DNMT3A: variants seen among roughly 807,000 people sequenced by gnomAD.
DNMT3A encodes DNA (cytosine-5)-methyltransferase 3A.
In DNMT3A, 267 loss-of-function variants were observed where a neutral mutation model predicts 117.6. That is an observed-to-expected ratio of 2.27 (90% CI 2.05 to 2.51). The LOEUF (loss-of-function observed/expected upper bound fraction) is 2.51, where lower values mean the gene tolerates loss of function less well. Ranked by LOEUF, DNMT3A falls within the 30% of genes most tolerant of loss-of-function variation. The pLI, the probability that DNMT3A is intolerant of heterozygous loss-of-function variation, is 0.00. For missense variants in DNMT3A, 1,029 were observed against 1,260.2 expected (o/e 0.82, Z 2.78); for synonymous variants, 432 against 474.8 (o/e 0.91, Z 1.17).
chr2:25,242,290 T>C (rs1674168699), intron 16 of DNMT3A, among the ~76,000 whole-genome samples: 1 of 152,030 alleles, frequency 6.6e-6, no homozygotes, highest in Non-Finnish European at 1.5e-5. Flanking sequence ...GCCTCCTTCA[T>C]TGTGCTTCCC....
At chr2:25,317,321 C>CT (rs34740664) in intron 1 of DNMT3A, among the ~76,000 whole-genome samples, 50,751 of 151,232 alleles carry the variant, frequency 0.34, 8,724 homozygotes, top group Middle Eastern at 0.39. Flanking sequence ...CTCAGCCTCC[C>CT]AAAGTGTTGG....
rs559730136 is a variant in DNMT3A, at chr2:25,314,738, G to A, written c.-177-577C>T. 5.3e-5 allele frequency: 52 copies of A among 981,914 alleles called. 1 individual carries two copies. In the Admixed American group the frequency reaches 2.8e-3, roughly 54 times the overall value. 60.8% of individuals were successfully genotyped at this position (981,914 alleles called of 1,614,324 possible). A position where few individuals can be genotyped will look rare whatever the true frequency, so the allele number is the denominator to read the frequency against. On this transcript the variant is annotated intron_variant, in intron 1 of 22. Coordinates refer to ENST00000321117, the MANE Select transcript of DNMT3A (RefSeq NM_022552.5). ...GGTTGGCTCTGGCCTAGGAGGGAGA[G>A]GCCACGGCCACGGCCAAGGCCACAG... is the stretch of plus-strand genomic sequence containing the variant.
chr2:25,314,773 A>G, intron 1 of DNMT3A: 10 of 907,620 alleles, frequency 1.1e-5, no homozygotes, highest in Non-Finnish European at 1.3e-5. Context: ...GGCCACGGCC[A>G]CACTGAGGCA....
At chr2:25,248,555 A>ATTTAT (rs1675141439) in intron 6 of DNMT3A, among the ~76,000 whole-genome samples, 1 of 148,198 alleles carries the variant, frequency 6.7e-6, no homozygotes. Context: ...TTATTTATTT[A>ATTTAT]TTTTTTTTTT....
At chr2:25,244,434 G>A in intron 14 of DNMT3A, 96 bp from the exon 15 acceptor site, 9 of 1,573,636 alleles carry the variant, frequency 5.7e-6, no homozygotes, top group Non-Finnish European at 7.8e-6. Flanking sequence ...TCTGGAGCAT[G>A]GCTAGGGGGT....
At chr2:25,238,870 C>T (rs1026159595) in intron 20 of DNMT3A, among the ~76,000 whole-genome samples, 3 of 152,250 alleles carry the variant, frequency 2.0e-5, no homozygotes, top group Non-Finnish European at 4.4e-5. Context: ...AACTCAGCAG[C>T]ACAGGACTCT....
At chr2:25,333,392 C>T (rs1464192965) in intron 1 of DNMT3A, among the ~76,000 whole-genome samples, 4 of 151,788 alleles carry the variant, frequency 2.6e-5, no homozygotes, top group African/African-American at 2.4e-5. Context: ...TGCAGTGGCG[C>T]GATCTCGGCT....
chr2:25,299,281 G>A (rs939362311), intron 3 of DNMT3A, among the ~76,000 whole-genome samples: 2 of 152,146 alleles, frequency 1.3e-5, no homozygotes, highest in Admixed American at 6.5e-5. Flanking sequence ...GAAGCCTGGC[G>A]CTGGGGCTGG....
rs1404558151 is a variant in DNMT3A, at chr2:25,252,560, C to G, written c.640-4308G>C. Among the ~76,000 whole-genome samples, 2 of 150,896 alleles carry G rather than the reference C, an allele frequency of 1.3e-5. No individual in the cohort carries two copies. Among genetic ancestry groups the G allele is most frequent in the Non-Finnish European group, 3.0e-5 (2 of 67,616 alleles). On this transcript the variant is annotated intron_variant, in intron 6 of 22. Coordinates refer to ENST00000321117, the MANE Select transcript of DNMT3A (RefSeq NM_022552.5). The surrounding 1 kb of genome is among the most constrained non-coding windows in gnomAD (Gnocchi z 5.5). ...CGCCCAGGCCGGGCTGCAGGGAGCGCCCCGCCTTCGGGAAGACCGCCTGGC... is the reference window on the plus strand; with the variant it reads ...CGCCCAGGCCGGGCTGCAGGGAGCGGCCCGCCTTCGGGAAGACCGCCTGGC...
At chr2:25,278,170 G>A (rs1238540181) in intron 4 of DNMT3A, among the ~76,000 whole-genome samples, 1 of 152,212 alleles carries the variant, frequency 6.6e-6, no homozygotes, top group South Asian at 2.1e-4. Flanking sequence ...CAGGGTCACC[G>A]CCAGGGCCAG....
intron 1 of DNMT3A, among the ~76,000 whole-genome samples, chr2:25,340,409 G>A (rs947758629): frequency 2.0e-5 from 3 of 152,176 alleles, no homozygotes; most frequent in African/African-American, 7.2e-5. Context: ...GAGGCTTCAG[G>A]AAAGCGAAAA....
rs2149257898 is a variant in DNMT3A at position 25,235,814 on chromosome 2, CA to C, written c.2489del (p.Val830GlyfsTer11). 1 of 1,613,960 alleles carries C rather than the reference CA, an allele frequency of 6.2e-7. No individual in the cohort carries two copies. Among genetic ancestry groups the C allele is most frequent in the Non-Finnish European group, 8.5e-7 (1 of 1,179,860 alleles). On this transcript the variant is annotated frameshift_variant, in exon 22 of 23. Transcript: ENST00000321117. LOFTEE classifies it high-confidence loss of function. The part of the protein sequence containing the change: ...EHGRIAKFSK[V>X]RTITTRSNSI... ...AGTTTGACCTCGTAGTAATGGTCCTCACTTTGCTGAACTAGATGAAGAGGAG... is the reference window on the plus strand; with the variant it reads ...AGTTTGACCTCGTAGTAATGGTCCTCCTTTGCTGAACTAGATGAAGAGGAG...
intron 1 of DNMT3A, chr2:25,314,383 C>T (rs1032925891): frequency 4.2e-5 from 41 of 985,232 alleles, no homozygotes; most frequent in Non-Finnish European, 4.8e-5. Flanking sequence ...GTCTCCCCTC[C>T]GTGTCGCTGC....
chr2:25,281,734 G>C lies in DNMT3A; in HGVS notation c.448+707C>G, dbSNP rs1244439118. On this transcript the variant is annotated intron_variant, in intron 4 of 22. Transcript: ENST00000321117. This position sits in a 1 kb window ranked among gnomAD's most constrained non-coding sequence, Gnocchi z 4.8. ...ACATGTTTACAGCTCGGTTGGCCCT[G>C]AAATTGCTGGCTTAACCTGAAAGAG... 9 of 1,065,932 alleles carry C rather than the reference G, an allele frequency of 8.4e-6. No individual in the cohort carries two copies. The highest frequency in any genetic ancestry group is 1.1e-6 in the Non-Finnish European group (1 of 879,700). 66.0% of individuals were successfully genotyped at this position (1,065,932 alleles called of 1,614,324 possible).
In DNMT3A at chr2:25,258,108, C is replaced by G. The variant is rs534852765; in HGVS notation, c.640-9856G>C. The stretch of plus-strand genomic sequence containing the variant: ...TCAAACCAAAGCCTCTGACAAGCTG[C>G]CCCCTGTGGTAGAATGTGGAAGGTA... On this transcript the variant is annotated intron_variant, in intron 6 of 22. Transcript: ENST00000321117. 2.6e-5 allele frequency among the ~76,000 whole-genome samples: 4 copies of G among 152,350 alleles called. No homozygotes were observed. The South Asian group carries it at 6.2e-4, about 24-fold the overall frequency.
intron 6 of DNMT3A, among the ~76,000 whole-genome samples, chr2:25,256,580 G>C (rs1676156262): frequency 6.6e-6 from 1 of 152,192 alleles, no homozygotes. Context: ...TGTGGCTGGG[G>C]GCTACTGAAT....
rs966251795 is a variant in DNMT3A, at chr2:25,236,211, G to A, written c.2479-386C>T. On this transcript the variant is annotated intron_variant, in intron 21 of 22. Transcript: ENST00000321117. This position sits in a 1 kb window ranked among gnomAD's most constrained non-coding sequence, Gnocchi z 4.5. ...CTCCTGAGTAGCTGGGACTACAGGC[G>A]CCCGCCACCATGCCTGGCTAATTTT... is the stretch of plus-strand genomic sequence containing the variant. 3.3e-5 allele frequency among the ~76,000 whole-genome samples: 5 copies of A among 152,090 alleles called. No individual in the cohort carries two copies. Among genetic ancestry groups the A allele is most frequent in the Non-Finnish European group, 7.3e-5 (5 of 68,028 alleles).
chr2:25,307,451 C>A (rs1040980606), intron 2 of DNMT3A, among the ~76,000 whole-genome samples: 22 of 150,064 alleles, frequency 1.5e-4, no homozygotes, highest in Non-Finnish European at 1.6e-4. Context: ...AGCCACCACA[C>A]ACCGCAGCTT....
chr2:25,300,008 G>C, intron 3 of DNMT3A, 131 bp downstream of exon 3: 2 of 753,402 alleles, frequency 2.7e-6, no homozygotes, highest in South Asian at 4.7e-5. Flanking sequence ...CCTGCAGCTG[G>C]AGGGGTATAC....
Sources: gnomAD v4.1 joint callset for allele counts (sites outside exome capture counted in the v4.1 genomes callset) on GRCh38, gnomAD v4.1.1 for gene constraint, Gnocchi (gnomAD v3.1) non-coding constraint, MANE v1.5 for transcripts, NCBI Gene and HGNC (gene_info 2026-07-23, HGNC 2026-07-21) for gene names.